AP3D1: variants seen among roughly 807,000 people sequenced by gnomAD.
The protein encoded by AP3D1 is adaptor related protein complex 3 subunit delta 1, also known as AP-3 complex subunit delta-1.
A neutral mutation model predicts 147.6 loss-of-function variants in AP3D1; 51 were observed. That is an observed-to-expected ratio of 0.35 (90% CI 0.28 to 0.44). The LOEUF (loss-of-function observed/expected upper bound fraction) is 0.44, where lower values mean the gene tolerates loss of function less well. Ranked by LOEUF, AP3D1 falls within the 20% of genes least tolerant of loss-of-function variation. The probability of loss-of-function intolerance (pLI) is 1.00; values close to 1 mark genes in which losing one functional copy is unlikely to be tolerated. For synonymous variants in AP3D1, 760 were observed against 663.0 expected (o/e 1.15, Z -2.25); for missense variants, 1,421 against 1,624.2 (o/e 0.87, Z 2.15).
At chr19:2,112,178 C>T (rs551719381) in intron 24 of AP3D1, 12 of 313,944 alleles carry the variant, frequency 3.8e-5, no homozygotes, top group South Asian at 2.9e-4. Flanking sequence ...ACGCGCACTG[C>T]GCAGATGTTC....
Position 2,147,203 on chromosome 19 carries a change from G to A in AP3D1, c.96+4036C>T, listed in dbSNP as rs192112987. On this transcript the variant is annotated intron_variant, in intron 1 of 31. Coordinates refer to ENST00000643116, the MANE Select transcript of AP3D1 (RefSeq NM_001261826.3). Reference sequence around the variant, plus strand: ...CTACTAAAAATACAAAAAATTAGCCGGGGTGGTGGCACATGCCTGTAATCC... The same window carrying A: ...CTACTAAAAATACAAAAAATTAGCCAGGGTGGTGGCACATGCCTGTAATCC... 1.1e-4 allele frequency among the ~76,000 whole-genome samples: 17 copies of A among 152,114 alleles called. No homozygotes were observed. In the East Asian group the frequency reaches 2.9e-3, roughly 26 times the overall value.
intron 2 of AP3D1, among the ~76,000 whole-genome samples, chr19:2,138,157 G>A (rs770916782): frequency 1.5e-4 from 23 of 152,164 alleles, no homozygotes; most frequent in African/African-American, 2.9e-4. Context: ...GACCCTGGAC[G>A]AGCCCTTTGT....
At chr19:2,137,173 C>A in intron 3 of AP3D1, 82 bp from the exon 4 acceptor site, 3 of 1,221,252 alleles carry the variant, frequency 2.5e-6, no homozygotes, top group Non-Finnish European at 3.5e-6. Flanking sequence ...AGCGACCACA[C>A]CAGGCAGCGC....
intron 16 of AP3D1, 105 bp from the exon 17 acceptor site, chr19:2,116,851 A>G: frequency 7.2e-7 from 1 of 1,395,876 alleles, no homozygotes; most frequent in Non-Finnish European, 9.5e-7. Flanking sequence ...GTGATATCCC[A>G]AACAGTGGGG....
intron 8 of AP3D1, 45 bp from the exon 9 acceptor site, chr19:2,127,246 C>T (rs756755407): frequency 4.5e-5 from 72 of 1,602,300 alleles, no homozygotes; most frequent in South Asian, 5.5e-5. Flanking sequence ...CTGGGGGCCT[C>T]GTCAGATGCA....
At chr19:2,132,896 C>T (rs907565051) in intron 4 of AP3D1, among the ~76,000 whole-genome samples, 2 of 152,108 alleles carry the variant, frequency 1.3e-5, no homozygotes, top group African/African-American at 4.8e-5. Context: ...TTCTTGGCTC[C>T]TCCTGGATGG....
At chr19:2,150,746 G>C (rs550154739) in intron 1 of AP3D1, among the ~76,000 whole-genome samples, 1 of 152,336 alleles carries the variant, frequency 6.6e-6, no homozygotes, top group Non-Finnish European at 1.5e-5. Context: ...CCCCTGCCTC[G>C]GTCTCCCGGG....
chr19:2,123,505 G>C (rs1020939214), intron 10 of AP3D1, 99 bp from the exon 11 acceptor site: 2 of 1,255,050 alleles, frequency 1.6e-6, no homozygotes, highest in African/African-American at 3.0e-5. Context: ...CCTAAGGCCC[G>C]GCGTCAGCCC....
chr19:2,139,819 C>T (rs558764423), intron 1 of AP3D1, among the ~76,000 whole-genome samples: 1 of 152,306 alleles, frequency 6.6e-6, no homozygotes, highest in African/African-American at 2.4e-5. Flanking sequence ...CAAGCCCACC[C>T]CATCACGCTT....
At chr19:2,125,571 G>A (rs1437269387) in intron 9 of AP3D1, among the ~76,000 whole-genome samples, 3 of 152,028 alleles carry the variant, frequency 2.0e-5, no homozygotes, top group African/African-American at 7.2e-5. Flanking sequence ...CACCTGCCTC[G>A]GCCTCCCAAA....
At chr19:2,145,929 C>T (rs1292930237) in intron 1 of AP3D1, among the ~76,000 whole-genome samples, 1 of 152,258 alleles carries the variant, frequency 6.6e-6, no homozygotes, top group Admixed American at 6.5e-5. Flanking sequence ...GGGCAGCTGA[C>T]ACTACAGCTG....
chr19:2,145,947 C>T (rs1199364970), intron 1 of AP3D1, among the ~76,000 whole-genome samples: 1 of 152,230 alleles, frequency 6.6e-6, no homozygotes, highest in Non-Finnish European at 1.5e-5. Flanking sequence ...CTGCACCCCC[C>T]AAACACCCCA....
In AP3D1 at chr19:2,114,888, T is replaced by A. The variant is rs2018396137; in HGVS notation, c.2350-67A>T. The A allele has an allele frequency of 3.3e-6, 5 of 1,511,104 alleles. No individual in the cohort carries two copies. In the East Asian group the frequency reaches 1.1e-4, roughly 34 times the overall value. 93.6% of individuals were successfully genotyped at this position (1,511,104 alleles called of 1,614,324 possible). ...GTGGCCTGGTGGAACGCCATCTATC[T>A]GGGACGCAGTGGGACTGCCCATGCG... On this transcript the variant is annotated intron_variant, in intron 20 of 31. Transcript: ENST00000643116.
chr19:2,123,728 G>A, intron 10 of AP3D1, 102 bp downstream of exon 10: 1 of 1,402,270 alleles, frequency 7.1e-7, no homozygotes, highest in Non-Finnish European at 9.8e-7. Flanking sequence ...ATGGCGTGGG[G>A]GGACCAGCAC....
At position 2,111,829 on chromosome 19, in the gene AP3D1, C is replaced by A. The variant is rs769262667; in HGVS notation, c.2788-1G>T. ...TCTTCTTCTTAGGCTTGGGAGATTT[C>A]TGGAGCAAGAGGAGGGTCGGGTTCA... On this transcript the variant is annotated splice_acceptor_variant, in intron 24 of 31. Transcript: ENST00000643116. LOFTEE classifies it high-confidence loss of function. 1.9e-6 allele frequency: 3 copies of A among 1,613,636 alleles called. No homozygotes were observed. Among genetic ancestry groups the A allele is most frequent in the Non-Finnish European group, 2.5e-6 (3 of 1,179,972 alleles).
chr19:2,146,563 C>T (rs909767112), intron 1 of AP3D1, among the ~76,000 whole-genome samples: 4 of 148,660 alleles, frequency 2.7e-5, no homozygotes, highest in East Asian at 2.0e-4. Context: ...AAGATTGTGC[C>T]GCTGCATTCC....
chr19:2,112,316 G>A (rs2018306167), intron 24 of AP3D1: 1 of 184,586 alleles, frequency 5.4e-6, no homozygotes, highest in African/African-American at 2.4e-5. Flanking sequence ...TCCACGCACT[G>A]GAACATGACC....
At chr19:2,164,362 C>T (rs2019826523) in exon 1 of AP3D1, 9 of 830,836 alleles carry the variant, frequency 1.1e-5, no homozygotes, top group Middle Eastern at 3.9e-4. Context: ...TCACCGGTCC[C>T]CCCTGCGGAA....
chr19:2,110,139 G>A lies in AP3D1; in HGVS notation c.3261C>T (p.Ala1087=). Residue 1087 remains alanine, a synonymous_variant, in exon 28 of 32, where the codon GCC becomes GCT. Transcript: ENST00000643116. The part of the protein sequence containing the change: ...QKLKGTLSFI[A]KNDEGATHEK... ...CGCCAAGTGGAGCCCTGCATACCTT[G>A]GCAATGAAGGACAGGGTCCCCTTGA... 5 of 1,612,906 alleles carry A rather than the reference G, an allele frequency of 3.1e-6. No homozygotes were observed. The highest frequency in any genetic ancestry group is 4.2e-6 in the Non-Finnish European group (5 of 1,179,774).
Sources: allele counts gnomAD v4.1 joint callset (sites outside exome capture counted in the v4.1 genomes callset), GRCh38; gene constraint gnomAD v4.1.1; transcripts MANE v1.5; gene names NCBI Gene and HGNC (gene_info 2026-07-23, HGNC 2026-07-21).